KIF15: variants seen among roughly 807,000 people sequenced by gnomAD.
KIF15 encodes kinesin-like protein KIF15.
KIF15 carries 140 observed loss-of-function variants against 190.6 expected under a neutral mutation model. That is an observed-to-expected ratio of 0.73 (90% CI 0.64 to 0.84). The LOEUF (loss-of-function observed/expected upper bound fraction) is 0.84, where lower values mean the gene tolerates loss of function less well. Ranked by LOEUF, KIF15 falls within the 40% of genes least tolerant of loss-of-function variation. The probability of loss-of-function intolerance (pLI) is 0.00; values close to 1 mark genes in which losing one functional copy is unlikely to be tolerated. For missense variants in KIF15, 1,372 were observed against 1,584.4 expected (o/e 0.87, Z 2.28); for synonymous variants, 528 against 551.3 (o/e 0.96, Z 0.59).
chr3:44,785,879 T>G (rs1575591262), intron 6 of KIF15, among the ~76,000 whole-genome samples: 2 of 152,234 alleles, frequency 1.3e-5, no homozygotes, highest in South Asian at 4.1e-4. Flanking sequence ...GCCTCTAGGG[T>G]GCCTGGCACC....
In KIF15 at chr3:44,778,119, C is replaced by A. The variant is rs749109521; in HGVS notation, c.251C>A (p.Ser84Tyr). The change falls in exon 4 of 35, where the codon TCT becomes TAT. Residue 84 changes from serine (S) to tyrosine (Y), a missense_variant. Transcript: ENST00000326047. ...CATGTTTGGTTACATTTGTAGGAATCTGTATTCGCAACTGTGGCTAAAAGC... is the reference window on the plus strand; with the variant it reads ...CATGTTTGGTTACATTTGTAGGAATATGTATTCGCAACTGTGGCTAAAAGC... ...HVADVDTTQE[S>Y]VFATVAKSIV... 2.5e-6 allele frequency: 4 copies of A among 1,612,396 alleles called. No homozygotes were observed. The highest frequency in any genetic ancestry group is 3.4e-6 in the Non-Finnish European group (4 of 1,178,458).
chr3:44,830,167 A>T, intron 25 of KIF15, 92 bp downstream of exon 25: 1 of 534,196 alleles, frequency 1.9e-6, no homozygotes, highest in Non-Finnish European at 3.1e-6. Flanking sequence ...CAGAAAAAAG[A>T]TTCTGTGGTC....
At position 44,830,075 on chromosome 3, in the gene KIF15, T is replaced by G; in HGVS notation, c.3048T>G (p.Asn1016Lys). The part of the protein sequence containing the change: ...DTLKQELKDI[N>K]CKYNSALVDR... ...TGAAACAAGAACTGAAGGACATAAA[T>G]GTAAGTTCGGTCACCAACAAGATGT... Residue 1016 changes from asparagine (N) to lysine (K), a missense_variant and splice_region_variant, in exon 25 of 35, where the codon AAT becomes AAG. By Grantham distance (94) the Asn-to-Lys change is moderately conservative (BLOSUM62 0). Coordinates refer to ENST00000326047, the MANE Select transcript of KIF15 (RefSeq NM_020242.3). 10 of 1,549,376 alleles carry G rather than the reference T, an allele frequency of 6.5e-6. No homozygotes were observed. Among genetic ancestry groups the G allele is most frequent in the Non-Finnish European group, 8.8e-6 (10 of 1,141,404 alleles).
intron 16 of KIF15, among the ~76,000 whole-genome samples, chr3:44,809,681 CA>C (rs1014831612): frequency 1.7e-3 from 227 of 134,146 alleles, no homozygotes; most frequent in Middle Eastern, 3.6e-3. Flanking sequence ...CCTACCTCTG[CA>C]AAAAAAAAAA....
intron 26 of KIF15, among the ~76,000 whole-genome samples, chr3:44,833,455 G>A (rs1698165844): frequency 6.6e-6 from 1 of 151,776 alleles, no homozygotes; most frequent in Non-Finnish European, 1.5e-5. Flanking sequence ...CCTATCCAGG[G>A]GTGATGGGAA....
rs1391557525 is a variant in KIF15, at chr3:44,818,100, G to T, written c.2549+3024G>T. Among the ~76,000 whole-genome samples, 3 of 152,168 alleles carry T rather than the reference G, an allele frequency of 2.0e-5. No homozygotes were observed. In the East Asian group the frequency reaches 5.8e-4, roughly 29 times the overall value. ...TTTTTGCACATTGATTTTCTATCCT[G>T]AGACTTTGCTGAAGTTGCTTATCAG... On this transcript the variant is annotated intron_variant, in intron 20 of 34. Coordinates refer to ENST00000326047, the MANE Select transcript of KIF15 (RefSeq NM_020242.3).
chr3:44,786,426 G>A lies in KIF15; in HGVS notation c.491G>A (p.Cys164Tyr). ...AGAGKSFLCK[C>Y]SFIEIYNEQI... ...GCTGGAAAGAGTTTCCTTTGTAAGT[G>A]TTCCTTTATTGAAATCTACAACGAG... Residue 164 changes from cysteine to tyrosine, a missense_variant, in exon 7 of 35, where the codon TGT (cysteine) becomes TAT (tyrosine). Physicochemically the swap from Cys to Tyr is radical, Grantham distance 194 (BLOSUM62 -2). Coordinates refer to ENST00000326047, the MANE Select transcript of KIF15 (RefSeq NM_020242.3). 6.2e-7 allele frequency: 1 copy of A among 1,610,400 alleles called. No homozygotes were observed. The highest frequency in any genetic ancestry group is 1.3e-5 in the African/African-American group (1 of 74,984).
chr3:44,844,848 T>C (rs1190144486), intron 30 of KIF15, among the ~76,000 whole-genome samples: 1 of 152,148 alleles, frequency 6.6e-6, no homozygotes, highest in Non-Finnish European at 1.5e-5. Context: ...GTGGAGGAGA[T>C]GGATGCAGCC....
At chr3:44,852,397 T>C in intron 34 of KIF15, 58 bp downstream of exon 34, 2 of 1,499,992 alleles carry the variant, frequency 1.3e-6, no homozygotes, top group Non-Finnish European at 9.1e-7. Context: ...ATTATTTTAT[T>C]GAAACCAAAT....
At chr3:44,824,007 C>T (rs976208820) in intron 20 of KIF15, among the ~76,000 whole-genome samples, 9 of 152,102 alleles carry the variant, frequency 5.9e-5, no homozygotes, top group South Asian at 4.1e-4. Flanking sequence ...GCTTGCCCTC[C>T]GTGGTCTGCA....
Position 44,847,989 on chromosome 3 carries a change from C to G in KIF15, c.3700C>G (p.Gln1234Glu). Residue 1234 changes from glutamine to glutamate, a missense_variant, in exon 31 of 35, where the codon CAG becomes GAG. Physicochemically the swap from Gln to Glu is conservative, Grantham distance 29 (BLOSUM62 2). Transcript: ENST00000326047. ...DIKRQKENSD[Q>E]NHPDNQQLKN... The stretch of plus-strand genomic sequence containing the variant: ...CACCCCTGTTAATCTATGCAGTGAT[C>G]AGAATCATCCAGATAATCAACAGCT... 2 of 1,608,628 alleles carry G rather than the reference C, an allele frequency of 1.2e-6. No individual in the cohort carries two copies.
rs1193901305 is a variant in KIF15, at chr3:44,805,036, G to A, written c.1697G>A (p.Gly566Glu). 3.7e-6 allele frequency: 6 copies of A among 1,608,636 alleles called. No individual in the cohort carries two copies. In the Admixed American group the frequency reaches 1.0e-4, roughly 27 times the overall value. Reference protein sequence around the residue: ...GMEKSDKNQQGFSPKAQKEPC... With the variant: ...GMEKSDKNQQEFSPKAQKEPC... ...GTTTTCTTATTAACAGATCAGCAAG[G>A]ATTTTCACCTAAAGCTCAGAAAGAG... The change falls in exon 15 of 35, where the codon GGA (glycine) becomes GAA (glutamate). Residue 566 changes from glycine to glutamate, a missense_variant. Transcript: ENST00000326047.
At chr3:44,763,725 C>G in intron 1 of KIF15, among the ~76,000 whole-genome samples, 1 of 151,164 alleles carries the variant, frequency 6.6e-6, no homozygotes, top group South Asian at 2.1e-4. Context: ...GCTCTGTCAC[C>G]CAGGCTGGCT....
In KIF15 at chr3:44,865,073, C is replaced by G. The variant is rs766678734; in HGVS notation, c.*60-8256C>G. 31 of 1,614,014 alleles carry G rather than the reference C, an allele frequency of 1.9e-5. No individual in the cohort carries two copies. In the East Asian group the frequency reaches 6.0e-4, roughly 31 times the overall value. ...GGGCTATGTGCTGTATGGAGAGTGC[C>G]AGGAGGTCTTGTGGTGGGGAGGAGT... On this transcript the variant is annotated intron_variant and NMD_transcript_variant, in intron 6 of 6. Coordinates refer to the KIF15 transcript ENST00000422209.
At chr3:44,818,375 G>A (rs1708117672) in intron 20 of KIF15, among the ~76,000 whole-genome samples, 1 of 152,106 alleles carries the variant, frequency 6.6e-6, no homozygotes, top group South Asian at 2.1e-4. Flanking sequence ...TATTGGCTGT[G>A]GGTTTGTCAT....
intron 20 of KIF15, among the ~76,000 whole-genome samples, chr3:44,822,796 C>T (rs1003708951): frequency 5.9e-5 from 9 of 152,116 alleles, no homozygotes; most frequent in African/African-American, 1.4e-4. Flanking sequence ...TTGATCGAAT[C>T]GACTGTTGAA....
chr3:44,864,066 G>C, intron 6 of KIF15: 1 of 1,054,364 alleles, frequency 9.5e-7, no homozygotes, highest in Non-Finnish European at 1.4e-6. Flanking sequence ...AAAGCTCTGA[G>C]GCCCTCTGAG....
At chr3:44,761,958 A>C (rs1342164681) in intron 1 of KIF15, 74 bp downstream of exon 1, 2 of 1,596,112 alleles carry the variant, frequency 1.3e-6, no homozygotes, top group Admixed American at 3.3e-5. Flanking sequence ...GCAGCCTCGG[A>C]CCGCCCGCAA....
rs114535502 is a variant in KIF15 at position 44,773,035 on chromosome 3, G to A, written c.20-1360G>A. Among the ~76,000 whole-genome samples, 778 of 152,018 alleles carry A rather than the reference G, an allele frequency of 5.1e-3. 5 individuals carry two copies. The highest frequency in any genetic ancestry group is 0.017 in the African/African-American group (725 of 41,466). On this transcript the variant is annotated intron_variant, in intron 1 of 34. Transcript: ENST00000326047. ...AAAGACATGGAAAGCACACCAGCTT[G>A]GTTACAGCTTAAGACCAACCTCACA...
Sources: gnomAD v4.1 joint callset for allele counts (sites outside exome capture counted in the v4.1 genomes callset) on GRCh38, gnomAD v4.1.1 for gene constraint, MANE v1.5 for transcripts, NCBI Gene and HGNC (gene_info 2026-07-23, HGNC 2026-07-21) for gene names.